SOX6: variants seen among roughly 807,000 people sequenced by gnomAD.
SOX6 encodes the protein SRY-box transcription factor 6, also known as transcription factor SOX-6.
In SOX6, 11 loss-of-function variants were observed where a neutral mutation model predicts 97.8. That is an observed-to-expected ratio of 0.11 (90% CI 0.07 to 0.19). SOX6 has a LOEUF of 0.19. SOX6 is among the 10% of genes least tolerant of loss of function. The pLI is 1.00. For missense variants in SOX6, 810 were observed against 1,039.5 expected, an observed-to-expected ratio of 0.78 and a Z score of 3.04; for synonymous variants, 360 against 371.4, an observed-to-expected ratio of 0.97 and a Z score of 0.35.
intron 1 of SOX6, chr11:16,408,690 AC>A (rs765461132): frequency 2.0e-5 from 3 of 151,724 alleles, no homozygotes; most frequent in Non-Finnish European, 4.4e-5. Flanking sequence ...ATGTGAAGCC[AC>A]ACCTACCTCC....
rs753650618 is a variant in SOX6, at chr11:15,973,068, T to C, written c.2228A>G (p.Tyr743Cys). ...IPITTGTGVV[Y>C]PGAITMATTT... ...AGTTGCCATAGTGATAGCACCAGGA[T>C]ACACAACACCTGTTCCTGTGGTGAT... Residue 743 changes from tyrosine to cysteine, a missense_variant, in exon 16 of 16, where the codon TAT becomes TGT. Tyr to Cys is a radical substitution (Grantham distance 194). Coordinates refer to ENST00000683767, the MANE Select transcript of SOX6 (RefSeq NM_001367873.1). 3.7e-6 allele frequency: 6 copies of C among 1,614,210 alleles called. No homozygotes were observed. The highest frequency in any genetic ancestry group is 5.1e-6 in the Non-Finnish European group (6 of 1,180,032).
rs187980608 is a variant in SOX6 at position 16,242,156 on chromosome 11, G to T, written c.446-7485C>A. Among the ~76,000 whole-genome samples the T allele has an allele frequency of 1.4e-3, 220 of 152,184 alleles. 4 individuals are homozygous for T. The highest frequency in any genetic ancestry group is 1.4e-3 in the Non-Finnish European group (94 of 67,972). On this transcript the variant is annotated intron_variant, in intron 3 of 15. Transcript: ENST00000683767. The stretch of plus-strand genomic sequence containing the variant: ...TTTATTATGTATACAGTCATGAGCT[G>T]CATAAAGACAAACTCCACATACAAT...
chr11:16,064,663 C>A (rs1351679578), intron 9 of SOX6, among the ~76,000 whole-genome samples: 3 of 151,648 alleles, frequency 2.0e-5, no homozygotes, highest in Non-Finnish European at 4.4e-5. Flanking sequence ...AAATATCATT[C>A]ATCATGACCA....
chr11:16,315,169 C>T (rs917184288), intron 3 of SOX6: 3 of 152,126 alleles, frequency 2.0e-5, no homozygotes, highest in African/African-American at 7.2e-5. Context: ...ATCTCCTGAC[C>T]TCGTGAGCTG....
At chr11:16,594,683 G>GTT (rs1565188995) in intron 4 of SOX6, among the ~76,000 whole-genome samples, 5 of 47,820 alleles carry the variant, frequency 1.0e-4, no homozygotes, top group African/African-American at 4.0e-4. Context: ...TTCGGTTTTT[G>GTT]CTTTTTTTTT....
intron 4 of SOX6, among the ~76,000 whole-genome samples, chr11:16,584,680 A>G (rs1310426397): frequency 1.3e-5 from 2 of 152,170 alleles, no homozygotes; most frequent in Non-Finnish European, 2.9e-5. Flanking sequence ...GGTCGAGCCT[A>G]TAATTCCTGG....
chr11:16,392,556 C>T (rs1436635206), intron 1 of SOX6, among the ~76,000 whole-genome samples: 1 of 152,088 alleles, frequency 6.6e-6, no homozygotes, highest in African/African-American at 2.4e-5. Context: ...TTTATTACTA[C>T]TTTTAAAACC....
intron 4 of SOX6, among the ~76,000 whole-genome samples, chr11:16,606,445 G>GC (rs1848335041): frequency 6.6e-6 from 1 of 152,110 alleles, no homozygotes; most frequent in Admixed American, 6.5e-5. Flanking sequence ...AAGCCGACAC[G>GC]CATTTGCTTT....
At chr11:16,229,387 G>T (rs1852782252) in intron 4 of SOX6, among the ~76,000 whole-genome samples, 1 of 151,766 alleles carries the variant, frequency 6.6e-6, no homozygotes, top group African/African-American at 2.4e-5. Context: ...ACAAACAAAA[G>T]AAAAGGCATA....
intron 12 of SOX6, among the ~76,000 whole-genome samples, chr11:16,033,103 A>C (rs1322206222): frequency 2.6e-5 from 4 of 152,300 alleles, no homozygotes; most frequent in Admixed American, 2.6e-4. Flanking sequence ...GAAAGAGACC[A>C]GTCAATATTT....
At chr11:16,016,009 A>C (rs1428533010) in intron 12 of SOX6, among the ~76,000 whole-genome samples, 1 of 152,064 alleles carries the variant, frequency 6.6e-6, no homozygotes, top group Non-Finnish European at 1.5e-5. Context: ...TACTTAATGC[A>C]TTATGCAGCA....
At chr11:16,459,129 A>G (rs1859870460) in intron 1 of SOX6, among the ~76,000 whole-genome samples, 1 of 151,982 alleles carries the variant, frequency 6.6e-6, no homozygotes, top group Non-Finnish European at 1.5e-5. Flanking sequence ...AAGGCCAGGA[A>G]TAGGTCATTC....
At chr11:16,257,745 A>C (rs1853735571) in intron 3 of SOX6, among the ~76,000 whole-genome samples, 2 of 151,964 alleles carry the variant, frequency 1.3e-5, no homozygotes, top group South Asian at 4.1e-4. Flanking sequence ...TCTGTGAAAG[A>C]CACTGTTAAG....
intron 6 of SOX6, among the ~76,000 whole-genome samples, chr11:16,120,941 C>T (rs1019267248): frequency 6.6e-6 from 1 of 151,692 alleles, no homozygotes; most frequent in Non-Finnish European, 1.5e-5. Flanking sequence ...ATCAGGTCAA[C>T]GGTACATGTT....
intron 1 of SOX6, among the ~76,000 whole-genome samples, chr11:16,409,467 ACT>A (rs1287923407): frequency 6.6e-6 from 1 of 152,120 alleles, no homozygotes; most frequent in Non-Finnish European, 1.5e-5. Flanking sequence ...GATATATATG[ACT>A]CTGAATGCAT....
intron 4 of SOX6, among the ~76,000 whole-genome samples, chr11:16,580,659 A>G (rs1848023807): frequency 6.6e-6 from 1 of 152,206 alleles, no homozygotes; most frequent in African/African-American, 2.4e-5. Context: ...CAGAGTGAAC[A>G]GGCAACCTAC....
At chr11:16,535,019 T>C (rs953883612) in intron 4 of SOX6, among the ~76,000 whole-genome samples, 14 of 152,148 alleles carry the variant, frequency 9.2e-5, no homozygotes, top group African/African-American at 3.4e-4. Flanking sequence ...CAAGCAGAGA[T>C]ATGTCAATGT....
intron 3 of SOX6, chr11:16,264,828 G>A (rs984891414): frequency 7.1e-6 from 1 of 140,776 alleles, no homozygotes; most frequent in Non-Finnish European, 1.5e-5. Flanking sequence ...TAGCCAAGAC[G>A]GAGGCTGAAT....
At chr11:16,430,864 G>T (rs759704542) in intron 1 of SOX6, among the ~76,000 whole-genome samples, 3 of 152,148 alleles carry the variant, frequency 2.0e-5, no homozygotes, top group Non-Finnish European at 4.4e-5. Flanking sequence ...TTTCTGCTGA[G>T]AACTCATGTC....
Sources: allele counts gnomAD v4.1 joint callset (sites outside exome capture counted in the v4.1 genomes callset), GRCh38; gene constraint gnomAD v4.1.1; transcripts MANE v1.5; gene names NCBI Gene and HGNC (gene_info 2026-07-23, HGNC 2026-07-21).